NSMAF: variants seen among roughly 807,000 people sequenced by gnomAD.
The protein encoded by NSMAF is protein FAN.
NSMAF carries 90 observed loss-of-function variants against 134.9 expected under a neutral mutation model. That is an observed-to-expected ratio of 0.67 (90% confidence interval 0.56 to 0.79). The LOEUF (loss-of-function observed/expected upper bound fraction) is 0.79. NSMAF is among the 30% of genes least tolerant of loss of function. NSMAF has a pLI of 0.00. For missense variants in NSMAF, 1,010 were observed against 1,119.0 expected (o/e 0.90, Z 1.39); for synonymous variants, 358 against 389.6 (o/e 0.92, Z 0.96).
chr8:58,639,497 T>G (rs998094008), intron 2 of NSMAF, among the ~76,000 whole-genome samples: 2 of 152,182 alleles, frequency 1.3e-5, no homozygotes, highest in Non-Finnish European at 2.9e-5. Flanking sequence ...CCTTATATAC[T>G]GCTGGTGGGA....
intron 9 of NSMAF, among the ~76,000 whole-genome samples, chr8:58,617,096 A>G (rs1444298651): frequency 6.6e-6 from 1 of 152,168 alleles, no homozygotes; most frequent in East Asian, 1.9e-4. Context: ...TTAAATCTAC[A>G]ATCATTACAA....
Position 58,605,993 on chromosome 8 carries a change from T to C in NSMAF, c.802A>G (p.Ile268Val), listed in dbSNP as rs1806400685. 1 of 1,598,698 alleles carries C rather than the reference T, an allele frequency of 6.3e-7. No homozygotes were observed. ...TGAGGTTCATAGAACTTTAGGTAGA[T>C]GTCGGAACACAGATCATCTTCTGTG... ...FCTEDDLCSDIYLKFYEPQDR... is the reference protein window; with the variant it reads ...FCTEDDLCSDVYLKFYEPQDR... The change falls in exon 12 of 31, where the codon ATC becomes GTC. Residue 268 changes from isoleucine (I) to valine (V), a missense_variant. Coordinates refer to ENST00000038176, the MANE Select transcript of NSMAF (RefSeq NM_003580.4).
At chr8:58,588,613 C>G (rs1370874949) in intron 26 of NSMAF, 10 of 1,464,950 alleles carry the variant, frequency 6.8e-6, no homozygotes, top group Non-Finnish European at 9.5e-6. Flanking sequence ...AGAAATGTCC[C>G]TGACTGCTGC....
At chr8:58,609,811 G>T in intron 9 of NSMAF, 78 bp from the exon 10 acceptor site, 2 of 1,380,892 alleles carry the variant, frequency 1.4e-6, no homozygotes, top group Non-Finnish European at 2.0e-6. Flanking sequence ...GGGAGCTACA[G>T]TGTGACTTTC....
At chr8:58,659,544 G>A in intron 1 of NSMAF, 29 bp downstream of exon 1, 1 of 1,523,900 alleles carries the variant, frequency 6.6e-7, no homozygotes, top group Admixed American at 2.1e-5. Flanking sequence ...TAGGCCCCCG[G>A]CTGGGCCCTT....
chr8:58,604,015 G>T (rs777919408), intron 12 of NSMAF, among the ~76,000 whole-genome samples: 1 of 152,160 alleles, frequency 6.6e-6, no homozygotes, highest in African/African-American at 2.4e-5. Flanking sequence ...ATGCAGCAAT[G>T]AGAACTTCCC....
At chr8:58,589,669 T>C in intron 25 of NSMAF, 94 bp from the exon 26 acceptor site, 3 of 1,230,812 alleles carry the variant, frequency 2.4e-6, no homozygotes, top group Non-Finnish European at 3.3e-6. Flanking sequence ...TTTCATTCTA[T>C]ACTTACTAAG....
chr8:58,613,427 A>G (rs1014274377), intron 9 of NSMAF, among the ~76,000 whole-genome samples: 7 of 152,210 alleles, frequency 4.6e-5, no homozygotes, highest in African/African-American at 1.7e-4. Context: ...CACGAGGTAC[A>G]TATTGTAATC....
chr8:58,591,901 C>T (rs1806030102), intron 23 of NSMAF, among the ~76,000 whole-genome samples: 3 of 152,116 alleles, frequency 2.0e-5, no homozygotes, highest in Admixed American at 2.0e-4. Context: ...AACGTGATGT[C>T]GGAATGATCT....
rs772747023 is a variant in NSMAF, at chr8:58,623,383, G to A, written c.498C>T (p.Thr166=). The A allele has an allele frequency of 1.3e-5, 21 of 1,613,892 alleles. No homozygotes were observed. Among genetic ancestry groups the A allele is most frequent in the East Asian group, 6.7e-5 (3 of 44,864 alleles). ...ASCLDKLGDQ[T]AMITAILQSR... ...CATTGTTAAGAATACTTACCATGGCGGTTTGGTCACCCAATTTGTCAAGGC... is the reference window on the plus strand; with the variant it reads ...CATTGTTAAGAATACTTACCATGGCAGTTTGGTCACCCAATTTGTCAAGGC... Residue 166 remains threonine (T), a synonymous_variant, in exon 8 of 31, where the codon ACC becomes ACT. Coordinates refer to ENST00000038176, the MANE Select transcript of NSMAF (RefSeq NM_003580.4).
Position 58,631,537 on chromosome 8 carries a change from T to G in NSMAF, c.343A>C (p.Ile115Leu). 6.7e-7 allele frequency: 1 copy of G among 1,498,928 alleles called. No homozygotes were observed. Among genetic ancestry groups the G allele is most frequent in the Non-Finnish European group, 9.1e-7 (1 of 1,104,198 alleles). The allele number at this position is 1,498,928 out of a possible 1,614,324, so 92.9% of individuals were successfully genotyped here. ...GGTGCAACAACATTATGTTCTTTAA[T>G]GAAATATACCTGAGCAAGAAAAAGC... ...ISLIFSQVYF[I>L]KEHNVVAPYK... Residue 115 changes from isoleucine (I) to leucine (L), a missense_variant, in exon 6 of 31, where the codon ATT becomes CTT. Coordinates refer to ENST00000038176, the MANE Select transcript of NSMAF (RefSeq NM_003580.4).
At chr8:58,597,929 G>A (rs778669894) in intron 19 of NSMAF, 27 bp from the exon 20 acceptor site, 14 of 1,544,288 alleles carry the variant, frequency 9.1e-6, no homozygotes, top group Admixed American at 6.7e-5. Context: ...AAACACTATT[G>A]AAAGATGTGC....
Position 58,646,056 on chromosome 8 carries a change from C to CAAT in NSMAF, c.60-2984_60-2983insATT, listed in dbSNP as rs1807445321. Among the ~76,000 whole-genome samples the CAAT allele has an allele frequency of 1.3e-5, 2 of 151,286 alleles. 1 individual carries two copies. Among genetic ancestry groups the CAAT allele is most frequent in the South Asian group, 4.1e-4 (2 of 4,828 alleles). On this transcript the variant is annotated intron_variant, in intron 1 of 30. Transcript: ENST00000038176. ...GACTCCGTCTCAAAATCATCATCAT[C>CAAT]ATCATCATCATCATCTGAACCAAAA...
At chr8:58,639,157 T>C (rs1222159905) in intron 2 of NSMAF, among the ~76,000 whole-genome samples, 2 of 151,984 alleles carry the variant, frequency 1.3e-5, no homozygotes, top group South Asian at 2.1e-4. Context: ...TGGTGGCACG[T>C]GCTGTACGCC....
intron 9 of NSMAF, among the ~76,000 whole-genome samples, chr8:58,619,279 TA>T (rs1806730720): frequency 6.6e-6 from 1 of 152,122 alleles, no homozygotes; most frequent in African/African-American, 2.4e-5. Flanking sequence ...TTTAACACAT[TA>T]AAATGTAGGG....
chr8:58,602,038 G>C lies in NSMAF; in HGVS notation c.1125+20C>G. 6.3e-7 allele frequency: 1 copy of C among 1,586,720 alleles called. No individual in the cohort carries two copies. Among genetic ancestry groups the C allele is most frequent in the Non-Finnish European group, 8.6e-7 (1 of 1,159,410 alleles). ...GCTTCTCGTGTTGCTTAGAAACCAA[G>C]AATCTCTAAGTCCACATACCAGTAG... is the stretch of plus-strand genomic sequence containing the variant. On this transcript the variant is annotated intron_variant, in intron 14 of 30. Coordinates refer to ENST00000038176, the MANE Select transcript of NSMAF (RefSeq NM_003580.4).
At chr8:58,599,194 A>G in intron 19 of NSMAF, 38 bp downstream of exon 19, 1 of 1,572,930 alleles carries the variant, frequency 6.4e-7, no homozygotes, top group Non-Finnish European at 8.7e-7. Flanking sequence ...CTAAATATTC[A>G]CCCAATGCTA....
chr8:58,598,490 C>CAAAAAAAAAAAA (rs71250204), intron 19 of NSMAF, among the ~76,000 whole-genome samples: 101 of 125,944 alleles, frequency 8.0e-4, no homozygotes, highest in African/African-American at 1.5e-3. Flanking sequence ...CTGTCTCAAA[C>CAAAAAAAAAAAA]AAAAAAAAAA....
Position 58,599,778 on chromosome 8 carries a change from G to A in NSMAF, c.1425C>T (p.Asp475=), listed in dbSNP as rs139355331. ...AAGCCCAAGGGGGAAGCTCCACGTC[G>A]TCAACCATCTGTCCTCCTTGTCTCT... ...LGKRQGGQMV[D]DVELPPWASS... Residue 475 remains aspartate, a synonymous_variant, in exon 18 of 31, where the codon GAC becomes GAT. Transcript: ENST00000038176. 101 of 1,614,036 alleles carry A rather than the reference G, an allele frequency of 6.3e-5. No homozygotes were observed. The highest frequency in any genetic ancestry group is 4.9e-4 in the Middle Eastern group (3 of 6,062).
Sources: gnomAD v4.1 joint callset for allele counts (sites outside exome capture counted in the v4.1 genomes callset) on GRCh38, gnomAD v4.1.1 for gene constraint, MANE v1.5 for transcripts, NCBI Gene and HGNC (gene_info 2026-07-23, HGNC 2026-07-21) for gene names.